Variants in KRABD3 observed in about 807,000 individuals in gnomAD.
The protein encoded by KRABD3 is KRAB domain containing 3.
At chr7:149,722,691 A>G in the KRABD3 span, 33 of 1,503,752 alleles carry the variant, frequency 2.2e-5, no homozygotes, top group Non-Finnish European at 2.9e-5. Flanking sequence ...ACGGGTGGGA[A>G]TCTCAGCCGC....
the KRABD3 span, chr7:149,726,159 G>A: frequency 0.14 from 156,508 of 1,097,276 alleles, 15,655 homozygotes; most frequent in African/African-American, 0.47. Context: ...CCCCATGCCC[G>A]TGCTGGGAGC....
chr7:149,719,816 C>T, the KRABD3 span: 55 of 1,236,456 alleles, frequency 4.4e-5, no homozygotes, highest in Non-Finnish European at 5.5e-5. The surrounding 1 kb of genome is among the most constrained non-coding windows in gnomAD (Gnocchi z 5.6). Flanking sequence ...TTCTATGTCC[C>T]GGGACCGGGT....
chr7:149,715,097 C>T, the KRABD3 span: 1 of 1,230,916 alleles, frequency 8.1e-7, no homozygotes, highest in Non-Finnish European at 1.0e-6. Flanking sequence ...GACCCCTCGG[C>T]GCAGTGCGGC....
the KRABD3 span, chr7:149,729,125 T>A: frequency 7.6e-7 from 1 of 1,308,472 alleles, no homozygotes; most frequent in Non-Finnish European, 1.0e-6. Flanking sequence ...TCCCTGTCCC[T>A]TCTTCTGTGG....
chr7:149,715,017 C>T, the KRABD3 span: 6 of 1,227,756 alleles, frequency 4.9e-6, no homozygotes, highest in Non-Finnish European at 6.1e-6. Flanking sequence ...AGGGCCCGCG[C>T]CGGAAACCGA....
At chr7:149,722,662 A>G in the KRABD3 span, 1 of 1,478,604 alleles carries the variant, frequency 6.8e-7, no homozygotes, top group Non-Finnish European at 9.2e-7. Context: ...TCCACCGGGC[A>G]GGCCTTGTCT....
At chr7:149,730,200 A>T in the KRABD3 span, 1 of 1,575,160 alleles carries the variant, frequency 6.3e-7, no homozygotes, top group African/African-American at 1.4e-5. Context: ...CCTGAGGGGG[A>T]TCTTGCCTGT....
the KRABD3 span, among the ~76,000 whole-genome samples, chr7:149,725,023 C>T: frequency 6.6e-6 from 1 of 152,246 alleles, no homozygotes. Context: ...TTTGTCCAAG[C>T]CCCCGCTGCC....
chr7:149,723,869 C>G, the KRABD3 span: 3 of 1,613,512 alleles, frequency 1.9e-6, no homozygotes, highest in African/African-American at 1.3e-5. Context: ...AATCCAGGAG[C>G]CTGGAAAAGG....
chr7:149,722,736 T>C, the KRABD3 span: 1 of 1,545,962 alleles, frequency 6.5e-7, no homozygotes, highest in South Asian at 1.2e-5. Flanking sequence ...GCTCCCGGTG[T>C]CCCGTCAGGA....
chr7:149,723,113 G>A, the KRABD3 span, among the ~76,000 whole-genome samples: 3 of 152,248 alleles, frequency 2.0e-5, no homozygotes, highest in African/African-American at 7.2e-5. Flanking sequence ...GCTCTCTTAA[G>A]GGCAGCGTTT....
the KRABD3 span, chr7:149,729,264 G>A: frequency 3.1e-6 from 5 of 1,604,628 alleles, no homozygotes; most frequent in South Asian, 1.1e-5. Context: ...GCCTCCATCT[G>A]GTCAGCCCAC....
At chr7:149,724,827 C>CA in the KRABD3 span, 1 of 1,589,786 alleles carries the variant, frequency 6.3e-7, no homozygotes. Flanking sequence ...TCCCCCAACC[C>CA]AGCTGGGGCC....
the KRABD3 span, chr7:149,723,638 T>C: frequency 1.6e-6 from 2 of 1,219,528 alleles, no homozygotes; most frequent in East Asian, 5.0e-5. Flanking sequence ...TCTTCAGAGT[T>C]GGCCCCACGC....
chr7:149,721,775 A>G, the KRABD3 span: 1 of 670,248 alleles, frequency 1.5e-6, no homozygotes, highest in Non-Finnish European at 2.7e-6. Context: ...CGCCCCGATC[A>G]CTGAGCACTT....
the KRABD3 span, among the ~76,000 whole-genome samples, chr7:149,730,874 C>T: frequency 1.3e-5 from 2 of 152,200 alleles, no homozygotes; most frequent in Non-Finnish European, 2.9e-5. Flanking sequence ...ACAATAATAG[C>T]GTATGCTTTT....
chr7:149,727,739 T>C, the KRABD3 span, among the ~76,000 whole-genome samples: 1 of 152,200 alleles, frequency 6.6e-6, no homozygotes, highest in Non-Finnish European at 1.5e-5. Context: ...ACACTGCCTG[T>C]CAGAAGCTTC....
At chr7:149,721,901 C>A in the KRABD3 span, 1 of 427,870 alleles carries the variant, frequency 2.3e-6, no homozygotes. Flanking sequence ...ACCCTAACTG[C>A]AGAGCAGGGC....
the KRABD3 span, chr7:149,730,313 G>C: frequency 6.5e-5 from 100 of 1,547,788 alleles, no homozygotes; most frequent in Admixed American, 1.9e-3. Context: ...CGAGGCCAGA[G>C]CCTGATCTCT....
Sources: gnomAD v4.1 joint callset for allele counts (sites outside exome capture counted in the v4.1 genomes callset) on GRCh38, gnomAD v4.1.1 for gene constraint, Gnocchi (gnomAD v3.1) non-coding constraint, MANE v1.5 for transcripts, NCBI Gene and HGNC (gene_info 2026-07-23, HGNC 2026-07-21) for gene names.